Variants in APP observed in about 807,000 individuals in gnomAD.
APP encodes the protein amyloid-beta precursor protein.
Under a neutral mutation model 101.4 loss-of-function variants are expected in APP, and 31 were observed. That is an observed-to-expected ratio of 0.31 (90% CI 0.23 to 0.41). APP has a LOEUF of 0.41. Among genes scored for constraint, APP ranks in the 10% least tolerant of loss-of-function variants. The pLI, the probability that APP is intolerant of heterozygous loss-of-function variation, is 1.00. For synonymous variants in APP, 366 were observed against 364.4 expected (o/e 1.00, Z -0.05); for missense variants, 839 against 1,003.7 (o/e 0.84, Z 2.22).
intron 5 of APP, among the ~76,000 whole-genome samples, chr21:26,046,379 C>T (rs2045610375): frequency 6.7e-6 from 1 of 149,916 alleles, no homozygotes; most frequent in African/African-American, 2.5e-5. Context: ...CACTGTACTC[C>T]AGCCTGGGCA....
intron 1 of APP, among the ~76,000 whole-genome samples, chr21:26,115,661 G>A (rs2062419259): frequency 1.3e-5 from 2 of 152,074 alleles, no homozygotes; most frequent in Admixed American, 1.3e-4. Flanking sequence ...CTTAATAAAT[G>A]ATACACAGGG....
intron 3 of APP, among the ~76,000 whole-genome samples, chr21:26,077,323 C>T (rs147406466): frequency 6.6e-6 from 1 of 152,098 alleles, no homozygotes; most frequent in Non-Finnish European, 1.5e-5. Flanking sequence ...GGAACATGAG[C>T]CCACCCCTTT....
chr21:25,991,265 T>C (rs1392392831), intron 8 of APP, among the ~76,000 whole-genome samples: 3 of 94,418 alleles, frequency 3.2e-5, no homozygotes, highest in African/African-American at 1.3e-4. Flanking sequence ...ATCACCACTA[T>C]ACACTTCATC....
intron 5 of APP, among the ~76,000 whole-genome samples, chr21:26,023,786 T>G (rs1760983981): frequency 6.6e-6 from 1 of 152,188 alleles, no homozygotes; most frequent in African/African-American, 2.4e-5. Flanking sequence ...CATGAGGCCT[T>G]GGTGGGGCCT....
intron 15 of APP, among the ~76,000 whole-genome samples, chr21:25,898,648 T>C (rs2038239057): frequency 6.6e-6 from 1 of 152,234 alleles, no homozygotes. Flanking sequence ...GTCCTTTTTT[T>C]ACATGAAGCC....
At chr21:25,945,655 T>A in intron 13 of APP, 2 of 280,852 alleles carry the variant, frequency 7.1e-6, no homozygotes, top group South Asian at 6.0e-5. Flanking sequence ...GACAATTGAT[T>A]TTGTGTAATA....
intron 13 of APP, among the ~76,000 whole-genome samples, chr21:25,920,570 T>C (rs200898697): frequency 0.19 from 28,341 of 151,164 alleles, 6,301 homozygotes; most frequent in African/African-American, 0.54. Context: ...AAGGCAGGGG[T>C]TGCAATCCTA....
intron 1 of APP, among the ~76,000 whole-genome samples, chr21:26,121,002 C>T (rs561931607): frequency 6.6e-6 from 1 of 152,212 alleles, no homozygotes; most frequent in East Asian, 1.9e-4. Context: ...CCGCCCAGCC[C>T]TCTCCGGGAG....
intron 2 of APP, among the ~76,000 whole-genome samples, chr21:26,091,981 G>A (rs921327073): frequency 3.3e-5 from 5 of 152,096 alleles, no homozygotes; most frequent in African/African-American, 1.2e-4. Context: ...CATTCAGAGG[G>A]CTTGACAAAT....
At chr21:26,062,441 T>A (rs2046307202) in intron 3 of APP, among the ~76,000 whole-genome samples, 1 of 151,726 alleles carries the variant, frequency 6.6e-6, no homozygotes, top group African/African-American at 2.4e-5. Context: ...GGCAAGTGGA[T>A]CACCTGAGGT....
intron 5 of APP, among the ~76,000 whole-genome samples, chr21:26,036,978 G>A (rs1461857949): frequency 6.8e-6 from 1 of 147,936 alleles, no homozygotes; most frequent in African/African-American, 2.5e-5. Context: ...TGATGTGTGT[G>A]TGTGTGTGTA....
At chr21:25,957,290 G>C (rs1265751031) in intron 11 of APP, among the ~76,000 whole-genome samples, 4 of 152,034 alleles carry the variant, frequency 2.6e-5, no homozygotes, top group Non-Finnish European at 4.4e-5. Flanking sequence ...AAGAAAAGTA[G>C]TAAAAGAGGT....
intron 1 of APP, among the ~76,000 whole-genome samples, chr21:26,122,080 G>A (rs985486848): frequency 1.9e-4 from 29 of 152,280 alleles, no homozygotes; most frequent in African/African-American, 7.0e-4. Context: ...TGGACAAGGG[G>A]AAAAAGAAGC....
At chr21:26,064,938 C>T (rs1286500337) in intron 3 of APP, among the ~76,000 whole-genome samples, 2 of 152,246 alleles carry the variant, frequency 1.3e-5, no homozygotes, top group Non-Finnish European at 2.9e-5. Context: ...ACTGCAACCT[C>T]CACCTCCCGG....
chr21:25,985,076 A>G (rs1379996870), intron 8 of APP, among the ~76,000 whole-genome samples: 1 of 152,216 alleles, frequency 6.6e-6, no homozygotes, highest in East Asian at 1.9e-4. Flanking sequence ...AGATTGGCCT[A>G]AGTAGAAATG....
chr21:25,977,493 G>C (rs1177980631), intron 9 of APP, among the ~76,000 whole-genome samples: 1 of 152,134 alleles, frequency 6.6e-6, no homozygotes, highest in Non-Finnish European at 1.5e-5. Context: ...AGATGGGAAA[G>C]AAAAAGAGGC....
intron 7 of APP, among the ~76,000 whole-genome samples, chr21:25,999,650 A>G (rs2043200777): frequency 6.6e-6 from 1 of 152,242 alleles, no homozygotes; most frequent in Non-Finnish European, 1.5e-5. Flanking sequence ...ACATGAACAC[A>G]TATGTACACG....
intron 14 of APP, among the ~76,000 whole-genome samples, chr21:25,910,320 C>T (rs966432221): frequency 6.6e-6 from 1 of 151,892 alleles, no homozygotes; most frequent in Non-Finnish European, 1.5e-5. Context: ...TTAGTACAGA[C>T]GGGGTTTCAC....
chr21:25,989,584 G>A (rs553578630), intron 8 of APP, among the ~76,000 whole-genome samples: 71 of 152,266 alleles, frequency 4.7e-4, no homozygotes, highest in African/African-American at 1.7e-3. Flanking sequence ...CTTATGAATG[G>A]CATTCAGTCG....
Sources: gnomAD v4.1 joint callset for allele counts (sites outside exome capture counted in the v4.1 genomes callset) on GRCh38, gnomAD v4.1.1 for gene constraint, MANE v1.5 for transcripts, NCBI Gene and HGNC (gene_info 2026-07-23, HGNC 2026-07-21) for gene names.